The following RELCH variants were observed in gnomAD, a reference collection of about 807,000 sequenced individuals.
The protein encoded by RELCH is RAB11 binding and LisH domain, coiled-coil and HEAT repeat containing, also known as RAB11-binding protein RELCH.
RELCH carries 41 observed loss-of-function variants against 150.3 expected under a neutral mutation model. That is an observed-to-expected ratio of 0.27 (90% CI 0.21 to 0.35). The LOEUF is 0.35. Ranked by LOEUF, RELCH falls within the 10% of genes least tolerant of loss-of-function variation. The pLI is 1.00. For synonymous variants in RELCH, 478 were observed against 531.8 expected (o/e 0.90, Z 1.39); for missense variants, 1,092 against 1,467.8 (o/e 0.74, Z 4.18).
chr18:62,191,619 T>C (rs1346995102), intron 1 of RELCH, among the ~76,000 whole-genome samples: 1 of 152,198 alleles, frequency 6.6e-6, no homozygotes, highest in Non-Finnish European at 1.5e-5. Flanking sequence ...CAGCTCCTAC[T>C]TATATATGAG....
intron 11 of RELCH, chr18:62,246,393 G>A (rs926146626): frequency 1.3e-5 from 2 of 152,136 alleles, no homozygotes; most frequent in Non-Finnish European, 2.9e-5. Context: ...AGCAAGTGGA[G>A]TTTATTTTTT....
rs371683319 is a variant in RELCH at position 62,246,174 on chromosome 18, A to G, written c.1733+1298A>G. On this transcript the variant is annotated intron_variant, in intron 11 of 28. Coordinates refer to ENST00000644646, the MANE Select transcript of RELCH (RefSeq NM_001346231.2). ...ATGCAGATTTTGCATCAAACCATTT[A>G]TCGTAAAACATTGAGGTGCAGTTTT... is the stretch of plus-strand genomic sequence containing the variant. The G allele has an allele frequency of 3.3e-5, 5 of 152,340 alleles. No individual in the cohort carries two copies. In the South Asian group the frequency reaches 1.0e-3, roughly 32 times the overall value. The allele number at this position is 152,340 out of a possible 1,614,324, so 9.4% of individuals were successfully genotyped here.
At chr18:62,245,654 A>G (rs2042371302) in intron 11 of RELCH, among the ~76,000 whole-genome samples, 1 of 152,072 alleles carries the variant, frequency 6.6e-6, no homozygotes, top group Admixed American at 6.6e-5. Flanking sequence ...TAAGTTTCTC[A>G]AGGTTGCTAC....
chr18:62,287,630 A>G (rs1208034267), intron 26 of RELCH, among the ~76,000 whole-genome samples, 163 bp downstream of exon 26: 1 of 152,194 alleles, frequency 6.6e-6, no homozygotes, highest in East Asian at 1.9e-4. Context: ...TCTTCTAGCC[A>G]TCTCATAATT....
intron 10 of RELCH, among the ~76,000 whole-genome samples, chr18:62,237,833 A>G (rs565810749): frequency 6.6e-6 from 1 of 151,948 alleles, no homozygotes; most frequent in Admixed American, 6.6e-5. Context: ...ATAGTAGGAT[A>G]AAGGTTTAAT....
intron 27 of RELCH, among the ~76,000 whole-genome samples, chr18:62,292,340 T>C (rs981095897): frequency 6.6e-5 from 10 of 152,272 alleles, no homozygotes; most frequent in Admixed American, 6.5e-4. Context: ...CATTTTCTGA[T>C]TCAAAACTCC....
intron 1 of RELCH, among the ~76,000 whole-genome samples, chr18:62,202,481 G>C (rs2039516283): frequency 6.6e-6 from 1 of 152,036 alleles, no homozygotes; most frequent in Non-Finnish European, 1.5e-5. Context: ...TTTTTCTTTT[G>C]TGACATCATA....
At chr18:62,222,652 A>G (rs975235880) in intron 5 of RELCH, among the ~76,000 whole-genome samples, 2 of 152,114 alleles carry the variant, frequency 1.3e-5, no homozygotes, top group African/African-American at 2.4e-5. Context: ...TCTCTCAATA[A>G]TTAATAGAAC....
intron 22 of RELCH, among the ~76,000 whole-genome samples, chr18:62,276,528 G>C (rs1260062062): frequency 1.3e-5 from 2 of 151,746 alleles, no homozygotes; most frequent in African/African-American, 2.4e-5. Context: ...AACTAAAATT[G>C]CCCCAATATT....
At chr18:62,281,940 A>G (rs1358064835) in intron 24 of RELCH, among the ~76,000 whole-genome samples, 1 of 152,210 alleles carries the variant, frequency 6.6e-6, no homozygotes, top group Non-Finnish European at 1.5e-5. Flanking sequence ...TGCTTTCAGA[A>G]GGTGAATAAT....
chr18:62,211,819 C>T (rs1478098730), intron 2 of RELCH, among the ~76,000 whole-genome samples: 1 of 151,962 alleles, frequency 6.6e-6, no homozygotes, highest in Non-Finnish European at 1.5e-5. Flanking sequence ...GGTTAAAATA[C>T]TTCTGTGCTT....
rs748147249 is a variant in RELCH at position 62,261,630 on chromosome 18, G to A, written c.2322G>A (p.Lys774=). Residue 774 remains lysine, a synonymous_variant, in exon 16 of 29, where the codon AAG becomes AAA. Transcript: ENST00000644646. ...LQNAPFSSKA[K]LHGEVPQIEV... is the part of the protein sequence containing the mutation. ...ATGCACCTTTCTCCAGCAAAGCCAA[G>A]CTTCATGGTGAAGTGCCACAGATAG... 1 of 1,611,156 alleles carries A rather than the reference G, an allele frequency of 6.2e-7. No homozygotes were observed. Among genetic ancestry groups the A allele is most frequent in the South Asian group, 1.1e-5 (1 of 90,776 alleles).
At chr18:62,189,287 T>C (rs1483509063) in intron 1 of RELCH, among the ~76,000 whole-genome samples, 1 of 150,224 alleles carries the variant, frequency 6.7e-6, no homozygotes, top group East Asian at 1.9e-4. Flanking sequence ...TTTTTTTTTT[T>C]GGTTTTTGTG....
rs530157864 is a variant in RELCH at position 62,255,395 on chromosome 18, T to A, written c.1825-12T>A. 1.6e-5 allele frequency: 25 copies of A among 1,591,224 alleles called. No homozygotes were observed. The highest frequency in any genetic ancestry group is 4.0e-5 in the African/African-American group (3 of 74,556). On this transcript the variant is annotated splice_polypyrimidine_tract_variant and intron_variant, in intron 12 of 28. Transcript: ENST00000644646. ...CTGTTTATGCTTGATTTATTTATTT[T>A]TTTTGCTCTAGATTAATCACAAATA...
At chr18:62,273,594 C>T (rs899465245) in intron 20 of RELCH, among the ~76,000 whole-genome samples, 12 of 152,188 alleles carry the variant, frequency 7.9e-5, no homozygotes, top group East Asian at 1.9e-4. Context: ...TTTACAGTGA[C>T]GGAAATAATT....
Position 62,268,891 on chromosome 18 carries a change from C to T in RELCH, c.2703C>T (p.Val901=). 4 of 1,538,580 alleles carry T rather than the reference C, an allele frequency of 2.6e-6. No individual in the cohort carries two copies. The highest frequency in any genetic ancestry group is 3.5e-6 in the Non-Finnish European group (4 of 1,136,848). Residue 901 remains valine, a synonymous_variant, in exon 20 of 29, where the codon GTC becomes GTT. Coordinates refer to ENST00000644646, the MANE Select transcript of RELCH (RefSeq NM_001346231.2). ...TAGATTCCTCAGCAGGAAATGGGGT[C>T]CTCACTAAAGCTACAGTCCCCATTT... ...ENIDSSAGNG[V]LTKATVPIYA... is the part of the protein sequence containing the mutation.
In RELCH at chr18:62,187,984, G is replaced by A. The variant is rs2038257014; in HGVS notation, c.479G>A (p.Gly160Asp). 6 of 1,600,062 alleles carry A rather than the reference G, an allele frequency of 3.7e-6. No homozygotes were observed. Among genetic ancestry groups the A allele is most frequent in the Non-Finnish European group, 5.1e-6 (6 of 1,174,196 alleles). ...GTCCCTGGAGCAGCCGGCGTTGGGGGCGCTGGAGGTCGGGAACCGAGTACA... is the reference window on the plus strand; with the variant it reads ...GTCCCTGGAGCAGCCGGCGTTGGGGACGCTGGAGGTCGGGAACCGAGTACA... ...PGVPGAAGVG[G>D]AGGREPSTAS... is the part of the protein sequence containing the mutation. The change falls in exon 1 of 29, where the codon GGC becomes GAC. Residue 160 changes from glycine to aspartate, a missense_variant. Transcript: ENST00000644646.
chr18:62,288,257 A>G (rs2044920494), intron 26 of RELCH, among the ~76,000 whole-genome samples: 1 of 152,140 alleles, frequency 6.6e-6, no homozygotes. Flanking sequence ...TGAAAGGCTA[A>G]ATGCTAAAGT....
At position 62,187,586 on chromosome 18, in the gene RELCH, C is replaced by G. The variant is rs2038201974; in HGVS notation, c.81C>G (p.Asp27Glu). 1.3e-6 allele frequency: 2 copies of G among 1,527,436 alleles called. No individual in the cohort carries two copies. Among genetic ancestry groups the G allele is most frequent in the South Asian group, 1.3e-5 (1 of 78,306 alleles). 94.6% of individuals were successfully genotyped at this position (1,527,436 alleles called of 1,614,324 possible). Residue 27 changes from aspartate to glutamate, a missense_variant, in exon 1 of 29, where the codon GAC (aspartate) becomes GAG (glutamate). Asp to Glu is a conservative substitution (Grantham distance 45). Coordinates refer to ENST00000644646, the MANE Select transcript of RELCH (RefSeq NM_001346231.2). ...TCAGTGATTCGGATGAGGACGATGA[C>G]GAGGTAGCTGCAACAGAGGAACGGC... ...PFLSDSDEDD[D>E]EVAATEERRA...
Sources: allele counts gnomAD v4.1 joint callset (sites outside exome capture counted in the v4.1 genomes callset), GRCh38; gene constraint gnomAD v4.1.1; transcripts MANE v1.5; gene names NCBI Gene and HGNC (gene_info 2026-07-23, HGNC 2026-07-21).